GPC4: variants seen among roughly 807,000 people sequenced by gnomAD.
GPC4 encodes glypican-4.
In GPC4, 10 loss-of-function variants were observed where a neutral mutation model predicts 35.0. That is an observed-to-expected ratio of 0.29 (90% CI 0.18 to 0.48). The LOEUF is 0.48. GPC4 is among the 20% of genes least tolerant of loss of function. The pLI, the probability that GPC4 is intolerant of heterozygous loss-of-function variation, is 0.99. For synonymous variants in GPC4, 167 were observed against 170.2 expected (o/e 0.98, Z 0.15); for missense variants, 322 against 451.3 (o/e 0.71, Z 2.60).
chrX:133,373,943 G>A (rs1426671420), intron 1 of GPC4, among the ~76,000 whole-genome samples: 1 of 110,754 alleles, frequency 9.0e-6, no homozygotes. Context: ...TGGTTGCCTA[G>A]GGCAGAAAGA....
chrX:133,344,045 C>T (rs927497388), intron 1 of GPC4, among the ~76,000 whole-genome samples: 2 of 109,117 alleles, frequency 1.8e-5, no homozygotes, highest in African/African-American at 3.3e-5. Context: ...GGCTAATGTT[C>T]GTTTATTTTC....
In GPC4 at chrX:133,406,933, G is replaced by A. The variant is rs146772994; in HGVS notation, c.160+7873C>T. Among the ~76,000 whole-genome samples the A allele has an allele frequency of 8.3e-5, 9 of 108,560 alleles. No homozygotes were observed. The East Asian group carries it at 1.2e-3, about 14-fold the overall frequency. The allele number at this position is 108,560 out of a possible 115,157, so 94.3% of individuals were successfully genotyped here. A position where few individuals can be genotyped will look rare whatever the true frequency, so the allele number is the denominator to read the frequency against. On this transcript the variant is annotated intron_variant, in intron 1 of 8. Coordinates refer to ENST00000370828, the MANE Select transcript of GPC4 (RefSeq NM_001448.3). ...CTACTAAACATACAAAAAACCAGCC[G>A]GGTGTGGCAGCACACACCTGTAGTC...
At chrX:133,338,546 A>C (rs758734848) in intron 2 of GPC4, among the ~76,000 whole-genome samples, 1 of 111,749 alleles carries the variant, frequency 8.9e-6, no homozygotes, top group Non-Finnish European at 1.9e-5. Context: ...ATTAAGAGAA[A>C]GTGTGCCTGC....
In GPC4 at chrX:133,382,240, A is replaced by G. The variant is rs1218919574; in HGVS notation, c.160+32566T>C. On this transcript the variant is annotated intron_variant, in intron 1 of 8. Transcript: ENST00000370828. ...TCAGGAGATCGAGACCATCCTGGCT[A>G]ACATGGTGAAACCTTGTTTCTACTA... Among the ~76,000 whole-genome samples, 3 of 109,584 alleles carry G rather than the reference A, an allele frequency of 2.7e-5. No homozygotes were observed. The East Asian group carries it at 8.6e-4, about 32-fold the overall frequency.
At chrX:133,412,976 T>C (rs991614055) in intron 1 of GPC4, among the ~76,000 whole-genome samples, 4 of 112,570 alleles carry the variant, frequency 3.6e-5, no homozygotes, top group African/African-American at 1.3e-4. Context: ...TCCCATTAAG[T>C]GCAGAGCTGC....
chrX:133,402,548 G>A (rs1269068514), intron 1 of GPC4, among the ~76,000 whole-genome samples: 4 of 111,943 alleles, frequency 3.6e-5, no homozygotes, highest in Non-Finnish European at 5.6e-5. Flanking sequence ...AGAAGAAGAC[G>A]GAAGTGAGCA....
Position 133,339,178 on chromosome X carries a change from C to A in GPC4, c.319+5G>T, listed in dbSNP as rs1462688119. ...CGGTTCTTACATATGACTTGAATAACATACCATCAAACTTCTTGTAACGTG... is the reference window on the plus strand; with the variant it reads ...CGGTTCTTACATATGACTTGAATAAAATACCATCAAACTTCTTGTAACGTG... On this transcript the variant is annotated splice_donor_5th_base_variant and intron_variant, in intron 2 of 8. Coordinates refer to ENST00000370828, the MANE Select transcript of GPC4 (RefSeq NM_001448.3). 1 of 1,210,521 alleles carries A rather than the reference C, an allele frequency of 8.3e-7. No homozygotes were observed. The highest frequency in any genetic ancestry group is 2.2e-5 in the Admixed American group (1 of 45,968).
chrX:133,318,416 C>T lies in GPC4; in HGVS notation c.711+5729G>A, dbSNP rs375786888. ...AACACGGGGAAGGCACAACTGCTTA[C>T]ATCCCCTTAACCTGGGAGGTGGGGA... On this transcript the variant is annotated intron_variant, in intron 3 of 8. Coordinates refer to ENST00000370828, the MANE Select transcript of GPC4 (RefSeq NM_001448.3). 2.5e-3 allele frequency among the ~76,000 whole-genome samples: 285 copies of T among 112,018 alleles called. 7 individuals are homozygous for T. The South Asian group carries it at 0.096, about 38-fold the overall frequency.
At chrX:133,344,153 C>CTCTT (rs749045500) in intron 1 of GPC4, among the ~76,000 whole-genome samples, 78 of 88,994 alleles carry the variant, frequency 8.8e-4, no homozygotes, top group African/African-American at 2.5e-3. Flanking sequence ...TGACTATTTT[C>CTCTT]TCTTTCTTTC....
At position 133,324,549 on chromosome X, in the gene GPC4, CCAA is replaced by C; in HGVS notation, c.320-16_320-14del. 1.3e-5 allele frequency: 10 copies of C among 794,734 alleles called. No individual in the cohort carries two copies. Among genetic ancestry groups the C allele is most frequent in the South Asian group, 6.0e-5 (1 of 16,759 alleles). The allele number at this position is 794,734 out of a possible 1,213,427, so 65.5% of individuals were successfully genotyped here. On this transcript the variant is annotated splice_polypyrimidine_tract_variant and intron_variant, in intron 2 of 8. Coordinates refer to ENST00000370828, the MANE Select transcript of GPC4 (RefSeq NM_001448.3). ...TCTTTGAAGAATTCTGAAACCAACA[CCAA>C]AAAAAAAAAAAAAAAAAGGAAAAAC...
chrX:133,400,084 A>G (rs1483633170), intron 1 of GPC4, among the ~76,000 whole-genome samples: 1 of 112,404 alleles, frequency 8.9e-6, no homozygotes, highest in Non-Finnish European at 1.9e-5. Flanking sequence ...CCCAGTTTAC[A>G]AACTGTTCAC....
intron 1 of GPC4, among the ~76,000 whole-genome samples, chrX:133,353,509 C>T (rs2068525910): frequency 8.9e-6 from 1 of 111,764 alleles, no homozygotes; most frequent in African/African-American, 3.3e-5. Context: ...CAATGTCTAG[C>T]TTGCCCTCTC....
intron 4 of GPC4, among the ~76,000 whole-genome samples, chrX:133,309,970 G>T (rs2068307408): frequency 8.9e-6 from 1 of 111,966 alleles, no homozygotes; most frequent in Admixed American, 9.5e-5. Context: ...GTGTGTAGAA[G>T]ATTTTTTCAG....
At chrX:133,329,027 C>T (rs745625193) in intron 2 of GPC4, among the ~76,000 whole-genome samples, 1 of 111,705 alleles carries the variant, frequency 9.0e-6, no homozygotes, top group Non-Finnish European at 1.9e-5. Context: ...AAAGATAAAG[C>T]AGCTGCTACT....
At chrX:133,408,957 C>A (rs1390961395) in intron 1 of GPC4, among the ~76,000 whole-genome samples, 3 of 109,955 alleles carry the variant, frequency 2.7e-5, no homozygotes, top group Non-Finnish European at 5.7e-5. Flanking sequence ...GAGTTCTAGA[C>A]CAGCCTGGCC....
In GPC4 at chrX:133,322,371, G is replaced by C. The variant is rs2068369121; in HGVS notation, c.711+1774C>G. On this transcript the variant is annotated intron_variant, in intron 3 of 8. Transcript: ENST00000370828. ...AGGCAGGAGAATCGTCTGAGCCTGG[G>C]AGGTGGAGGTTGCGGTGAGCAGAGA... Among the ~76,000 whole-genome samples the C allele has an allele frequency of 2.7e-5, 3 of 109,240 alleles. No individual in the cohort carries two copies. In the Admixed American group the frequency reaches 2.9e-4, roughly 11 times the overall value. 94.9% of individuals were successfully genotyped at this position (109,240 alleles called of 115,157 possible).
rs1476107421 is a variant in GPC4 at position 133,414,808 on chromosome X, T to C, written c.158A>G (p.Asn53Ser). 5 of 1,210,294 alleles carry C rather than the reference T, an allele frequency of 4.1e-6. No individual in the cohort carries two copies. Among genetic ancestry groups the C allele is most frequent in the Admixed American group, 2.2e-5 (1 of 46,062 alleles). Residue 53 changes from asparagine (N) to serine (S), a missense_variant and splice_region_variant, in exon 1 of 9, where the codon AAC becomes AGC. Transcript: ENST00000370828. Reference sequence around the variant, plus strand: ...ACCTCCCGGGTGTGCCCACCTACCGTTGATCTCGTGGAGGGGGGCATCGTT... The same window carrying C: ...ACCTCCCGGGTGTGCCCACCTACCGCTGATCTCGTGGAGGGGGGCATCGTT... ...NKNDAPLHEI[N>S]GDHLKICPQG...
chrX:133,362,176 T>C (rs1228676658), intron 1 of GPC4, among the ~76,000 whole-genome samples: 2 of 106,247 alleles, frequency 1.9e-5, no homozygotes, highest in African/African-American at 6.9e-5. Flanking sequence ...ATTGAGCCAC[T>C]GCACTCCAGC....
At chrX:133,397,237 C>T (rs898307926) in intron 1 of GPC4, among the ~76,000 whole-genome samples, 1 of 111,726 alleles carries the variant, frequency 9.0e-6, no homozygotes, top group African/African-American at 3.3e-5. Flanking sequence ...CCAGCCTGGG[C>T]AACATGGCAA....
Sources: allele counts gnomAD v4.1 joint callset (sites outside exome capture counted in the v4.1 genomes callset), GRCh38; gene constraint gnomAD v4.1.1; transcripts MANE v1.5; gene names NCBI Gene and HGNC (gene_info 2026-07-23, HGNC 2026-07-21).